Variants in CADM2 observed in about 807,000 individuals in gnomAD.
CADM2 encodes the protein immunoglobulin superfamily member 4D.
CADM2 carries 12 observed loss-of-function variants against 49.8 expected under a neutral mutation model. That is an observed-to-expected ratio of 0.24 (90% confidence interval 0.15 to 0.39). CADM2 has a LOEUF of 0.39. Ranked by LOEUF, CADM2 falls within the 10% of genes least tolerant of loss-of-function variation. CADM2 has a pLI of 1.00. For missense variants in CADM2, 378 were observed against 492.3 expected (o/e 0.77, Z 2.20); for synonymous variants, 214 against 175.4 (o/e 1.22, Z -1.74).
intron 8 of CADM2, among the ~76,000 whole-genome samples, chr3:85,971,443 A>G (rs766469155): frequency 6.6e-5 from 10 of 151,718 alleles, no homozygotes; most frequent in Non-Finnish European, 1.3e-4. Flanking sequence ...CAGCTACTTT[A>G]TCACAGAGCC....
At chr3:85,068,885 T>C (rs1042427566) in intron 1 of CADM2, among the ~76,000 whole-genome samples, 1 of 152,150 alleles carries the variant, frequency 6.6e-6, no homozygotes, top group African/African-American at 2.4e-5. Flanking sequence ...GATTGTTCTA[T>C]GGTAATGAAT....
intron 1 of CADM2, among the ~76,000 whole-genome samples, chr3:85,676,392 C>T (rs1389536807): frequency 1.3e-5 from 2 of 152,086 alleles, no homozygotes; most frequent in Non-Finnish European, 2.9e-5. Flanking sequence ...ATAAGCTCTC[C>T]CTAGAGACCC....
At chr3:85,769,990 AAAAAC>A (rs756196992) in intron 2 of CADM2, among the ~76,000 whole-genome samples, 8 of 150,834 alleles carry the variant, frequency 5.3e-5, no homozygotes, top group Admixed American at 1.3e-4. Context: ...ATATGATTCA[AAAAAC>A]AAACAAAAAA....
intron 1 of CADM2, among the ~76,000 whole-genome samples, chr3:85,400,791 G>T (rs945864217): frequency 1.3e-5 from 2 of 152,110 alleles, no homozygotes; most frequent in African/African-American, 2.4e-5. Context: ...CAGGCGGAGG[G>T]TTTCCTTGGA....
chr3:85,315,843 T>C lies in CADM2; in HGVS notation c.61+356175T>C, dbSNP rs371578035. Among the ~76,000 whole-genome samples, 7 of 152,264 alleles carry C rather than the reference T, an allele frequency of 4.6e-5. No individual in the cohort carries two copies. The East Asian group carries it at 1.4e-3, about 29-fold the overall frequency. On this transcript the variant is annotated intron_variant, in intron 1 of 9. Transcript: ENST00000383699. ...AACTAATATATTTCTTCTTAAATTA[T>C]GAAATTTTGACACAGTAATTCATTA...
chr3:86,065,558 G>T, intron 8 of CADM2, 47 bp from the exon 9 acceptor site: 1 of 1,564,636 alleles, frequency 6.4e-7, no homozygotes, highest in South Asian at 1.2e-5. Context: ...TGTATTCTGT[G>T]ACTAAATAAC....
intron 1 of CADM2, among the ~76,000 whole-genome samples, chr3:85,407,012 A>G (rs1210193142): frequency 6.6e-6 from 1 of 152,072 alleles, no homozygotes; most frequent in Non-Finnish European, 1.5e-5. Context: ...CCTGGGCAGC[A>G]TAGGGAGACC....
intron 3 of CADM2, among the ~76,000 whole-genome samples, chr3:85,806,285 G>C (rs1379302982): frequency 6.6e-6 from 1 of 151,980 alleles, no homozygotes; most frequent in East Asian, 1.9e-4. Context: ...GGAAGGGAGG[G>C]AGGGAGGAAG....
intron 7 of CADM2, among the ~76,000 whole-genome samples, chr3:85,958,189 CA>C (rs1020279381): frequency 1.3e-5 from 2 of 151,280 alleles, no homozygotes; most frequent in Non-Finnish European, 3.0e-5. Flanking sequence ...AACAAACATA[CA>C]AAAAAAAGTT....
intron 1 of CADM2, among the ~76,000 whole-genome samples, chr3:85,634,814 A>G (rs963024004): frequency 6.6e-6 from 1 of 152,106 alleles, no homozygotes; most frequent in Admixed American, 6.6e-5. Context: ...ATTTCTTGAC[A>G]GAAACTACAT....
chr3:85,830,620 A>T (rs1380332071), intron 3 of CADM2, among the ~76,000 whole-genome samples: 1 of 151,704 alleles, frequency 6.6e-6, no homozygotes, highest in African/African-American at 2.4e-5. Context: ...ATTTTCCCCT[A>T]GATTTTCTTC....
chr3:85,895,152 C>T (rs1029776191), intron 5 of CADM2, among the ~76,000 whole-genome samples: 2 of 152,174 alleles, frequency 1.3e-5, no homozygotes, highest in African/African-American at 4.8e-5. Flanking sequence ...ATGAATGCAG[C>T]TGGGAGGGGG....
intron 1 of CADM2, among the ~76,000 whole-genome samples, chr3:85,040,218 T>A (rs1576094156): frequency 6.6e-6 from 1 of 152,180 alleles, no homozygotes; most frequent in East Asian, 1.9e-4. Context: ...GACTCTAGAT[T>A]TGAGAAACTG....
At chr3:85,152,364 T>C (rs972140527) in intron 1 of CADM2, among the ~76,000 whole-genome samples, 1 of 152,162 alleles carries the variant, frequency 6.6e-6, no homozygotes, top group African/African-American at 2.4e-5. Context: ...ACTGTAGTTA[T>C]GGAAATCTCC....
chr3:85,197,524 C>T (rs764951080), intron 1 of CADM2, among the ~76,000 whole-genome samples: 1 of 151,876 alleles, frequency 6.6e-6, no homozygotes, highest in Non-Finnish European at 1.5e-5. Flanking sequence ...GAAGCAGAAG[C>T]TTGAAGAAGT....
At chr3:85,750,649 G>C (rs1353032645) in intron 2 of CADM2, among the ~76,000 whole-genome samples, 1 of 151,900 alleles carries the variant, frequency 6.6e-6, no homozygotes, top group Admixed American at 6.6e-5. Context: ...TCTTTAGTGG[G>C]GCATTTTTAT....
intron 1 of CADM2, among the ~76,000 whole-genome samples, chr3:85,713,373 T>G (rs1387423723): frequency 1.3e-5 from 2 of 152,190 alleles, no homozygotes; most frequent in Non-Finnish European, 2.9e-5. Context: ...GGTCTCATAC[T>G]CCTCACCTCA....
chr3:85,154,118 G>A (rs1392323401), intron 1 of CADM2, among the ~76,000 whole-genome samples: 6 of 152,170 alleles, frequency 3.9e-5, no homozygotes, highest in Non-Finnish European at 7.3e-5. Context: ...AGAGAAGAAG[G>A]CTTCAGATGA....
At chr3:86,036,064 A>G (rs1735116148) in intron 8 of CADM2, among the ~76,000 whole-genome samples, 2 of 152,076 alleles carry the variant, frequency 1.3e-5, no homozygotes. Flanking sequence ...CCTTTTAACA[A>G]TCTCACCTTC....
Sources: gnomAD v4.1 joint callset for allele counts (sites outside exome capture counted in the v4.1 genomes callset) on GRCh38, gnomAD v4.1.1 for gene constraint, MANE v1.5 for transcripts, NCBI Gene and HGNC (gene_info 2026-07-23, HGNC 2026-07-21) for gene names.